Variants in ZNF462 observed in about 807,000 individuals in gnomAD.
The protein encoded by ZNF462 is zinc finger protein 462, also known as zinc finger PBX1-interacting protein.
Under a neutral mutation model 201.9 loss-of-function variants are expected in ZNF462, and 10 were observed. That is an observed-to-expected ratio of 0.05 (90% CI 0.03 to 0.08). The LOEUF is 0.08. Among genes scored for constraint, ZNF462 ranks in the 10% least tolerant of loss-of-function variants. The pLI is 1.00. For missense variants in ZNF462, 2,523 were observed against 3,168.3 expected, an observed-to-expected ratio of 0.80 and a Z score of 4.89; for synonymous variants, 1,227 against 1,193.3, an observed-to-expected ratio of 1.03 and a Z score of -0.58.
intron 1 of ZNF462, among the ~76,000 whole-genome samples, chr9:106,907,338 A>C (rs1829314417): frequency 6.6e-6 from 1 of 152,156 alleles, no homozygotes; most frequent in African/African-American, 2.4e-5. Context: ...ACCAGTTTAA[A>C]AAGCATCTGA....
rs1830108797 is a variant in ZNF462, at chr9:106,924,498, C to T, written c.586C>T (p.Pro196Ser). Residue 196 changes from proline (P) to serine (S), a missense_variant, in exon 3 of 13, where the codon CCA becomes TCA. By Grantham distance (74) the Pro-to-Ser change is moderately conservative (BLOSUM62 -1). This residue lies in a region of ZNF462 where 480 missense variants were observed against 544.4 expected (regional missense o/e 0.88). Transcript: ENST00000277225. The surrounding 1 kb of genome is among the most constrained non-coding windows in gnomAD (Gnocchi z 6.2). ...KNNLKETTAPPPAPAPMPDPV... is the reference protein window; with the variant it reads ...KNNLKETTAPSPAPAPMPDPV... ...CAATTTGAAGGAGACCACTGCTCCC[C>T]CACCTGCTCCTGCTCCAATGCCAGA... The T allele has an allele frequency of 6.2e-7, 1 of 1,614,106 alleles. No homozygotes were observed. Among genetic ancestry groups the T allele is most frequent in the East Asian group, 2.2e-5 (1 of 44,878 alleles).
Position 106,876,796 on chromosome 9 carries a change from AATG to A in ZNF462, c.-31+13444_-31+13446del, listed in dbSNP as rs1213096259. 6.6e-6 allele frequency among the ~76,000 whole-genome samples: 1 copy of A among 152,182 alleles called. No individual in the cohort carries two copies. The highest frequency in any genetic ancestry group is 2.4e-5 in the African/African-American group (1 of 41,434). On this transcript the variant is annotated intron_variant, in intron 1 of 12. Transcript: ENST00000277225. This position sits in a 1 kb window ranked among gnomAD's most constrained non-coding sequence, Gnocchi z 4.9. ...TATTGTTTGGCATCATTCTGGCAAA[AATG>A]ATATGTCGAAGAAAATTGTCCTTAT...
rs539251732 is a variant in ZNF462, at chr9:107,008,833, G to A, written c.7190-712G>A. On this transcript the variant is annotated intron_variant, in intron 11 of 12. Transcript: ENST00000277225. The surrounding 1 kb of genome is among the most constrained non-coding windows in gnomAD (Gnocchi z 4.8). ...CGTCCAGAAATGTCTGCATATCCCC[G>A]TATTCATGAATACCACCAATTGAGG... Among the ~76,000 whole-genome samples, 11 of 152,268 alleles carry A rather than the reference G, an allele frequency of 7.2e-5. No individual in the cohort carries two copies. Among genetic ancestry groups the A allele is most frequent in the African/African-American group, 2.4e-4 (10 of 41,550 alleles).
At chr9:106,877,076 A>G (rs531949634) in intron 1 of ZNF462, among the ~76,000 whole-genome samples, 5 of 152,278 alleles carry the variant, frequency 3.3e-5, no homozygotes, top group Admixed American at 1.3e-4. Flanking sequence ...AGGGTAGATG[A>G]TATTTTAAAA....
At position 106,973,996 on chromosome 9, in the gene ZNF462, A is replaced by G. The variant is rs189959698; in HGVS notation, c.6696-141A>G. On this transcript the variant is annotated intron_variant, in intron 8 of 12. Transcript: ENST00000277225. ...GACCAAGTTTCTGGGTGGTCAACAA[A>G]CATGATGAACAGATTTTTTTTTAGC... The G allele has an allele frequency of 6.2e-6, 7 of 1,123,480 alleles. No homozygotes were observed. In the East Asian group the frequency reaches 1.7e-4, roughly 27 times the overall value. The allele number at this position is 1,123,480 out of a possible 1,614,324, so 69.6% of individuals were successfully genotyped here. A position where few individuals can be genotyped will look rare whatever the true frequency, so the allele number is the denominator to read the frequency against.
rs973093681 is a variant in ZNF462 at position 107,006,803 on chromosome 9, G to T, written c.7190-2742G>T. Among the ~76,000 whole-genome samples, 1 of 152,124 alleles carries T rather than the reference G, an allele frequency of 6.6e-6. No homozygotes were observed. Among genetic ancestry groups the T allele is most frequent in the Non-Finnish European group, 1.5e-5 (1 of 68,030 alleles). Reference sequence around the variant, plus strand: ...GGTACACTACCCTTTCAAAAACCCTGTGCCTGTATTAACCTGAAAAATACA... The same window carrying T: ...GGTACACTACCCTTTCAAAAACCCTTTGCCTGTATTAACCTGAAAAATACA... On this transcript the variant is annotated intron_variant, in intron 11 of 12. Coordinates refer to ENST00000277225, the MANE Select transcript of ZNF462 (RefSeq NM_021224.6). This position sits in a 1 kb window ranked among gnomAD's most constrained non-coding sequence, Gnocchi z 4.3.
chr9:106,948,164 T>A (rs1831188479), intron 7 of ZNF462, among the ~76,000 whole-genome samples: 1 of 152,084 alleles, frequency 6.6e-6, no homozygotes, highest in Admixed American at 6.6e-5. Context: ...ATCCTGGGAC[T>A]GCAAAAATCC....
intron 7 of ZNF462, among the ~76,000 whole-genome samples, chr9:106,944,938 C>G (rs1831038870): frequency 1.3e-5 from 2 of 152,100 alleles, no homozygotes; most frequent in Non-Finnish European, 2.9e-5. Flanking sequence ...GTGAAAGTAG[C>G]CATAGACAAT....
intron 1 of ZNF462, among the ~76,000 whole-genome samples, chr9:106,918,280 G>T (rs1335457372): frequency 1.3e-5 from 2 of 152,142 alleles, no homozygotes; most frequent in Non-Finnish European, 2.9e-5. Context: ...AATTTGGAGG[G>T]CATATGCCCA....
rs1312222801 is a variant in ZNF462 at position 106,966,817 on chromosome 9, T to A, written c.6428-5188T>A. Among the ~76,000 whole-genome samples, 1 of 152,136 alleles carries A rather than the reference T, an allele frequency of 6.6e-6. No individual in the cohort carries two copies. Among genetic ancestry groups the A allele is most frequent in the East Asian group, 1.9e-4 (1 of 5,182 alleles). On this transcript the variant is annotated intron_variant, in intron 7 of 12. Coordinates refer to ENST00000277225, the MANE Select transcript of ZNF462 (RefSeq NM_021224.6). This position sits in a 1 kb window ranked among gnomAD's most constrained non-coding sequence, Gnocchi z 4.4. ...TTGTCTTTTATTTTTTCTTGGTACT[T>A]GATTCACACTGACCAACAAGCCTGT... is the stretch of plus-strand genomic sequence containing the variant.
rs1831301905 is a variant in ZNF462, at chr9:106,950,639, T to C, written c.6427+11532T>C. Among the ~76,000 whole-genome samples the C allele has an allele frequency of 2.6e-5, 4 of 152,208 alleles. No individual in the cohort carries two copies. On this transcript the variant is annotated intron_variant, in intron 7 of 12. Coordinates refer to ENST00000277225, the MANE Select transcript of ZNF462 (RefSeq NM_021224.6). This position sits in a 1 kb window ranked among gnomAD's most constrained non-coding sequence, Gnocchi z 4.1. ...CCACAGGCAGACAGTGAAGTGTAAG[T>C]GCAGTTCCCTATTAGCACATTAAAA... is the stretch of plus-strand genomic sequence containing the variant.
At chr9:106,976,177 C>G (rs1469685116) in intron 9 of ZNF462, 1 of 152,184 alleles carries the variant, frequency 6.6e-6, no homozygotes, top group Non-Finnish European at 1.5e-5. Flanking sequence ...AAGTTCACCT[C>G]TAAGTATGAA....
chr9:106,891,190 A>G (rs1321424402), intron 1 of ZNF462, among the ~76,000 whole-genome samples: 2 of 152,246 alleles, frequency 1.3e-5, no homozygotes, highest in Non-Finnish European at 1.5e-5. Context: ...ACAAAAAAGA[A>G]AAATGCATTT....
At position 107,003,277 on chromosome 9, in the gene ZNF462, G is replaced by T. The variant is rs201107737; in HGVS notation, c.7057-17G>T. On this transcript the variant is annotated splice_polypyrimidine_tract_variant and intron_variant, in intron 10 of 12. Transcript: ENST00000277225. The surrounding 1 kb of genome is among the most constrained non-coding windows in gnomAD (Gnocchi z 4.4). ...TCTGCGGTTTATTATTCCATCATTT[G>T]TTTGGGCCTTTTTCAGGTAAGCCGT... The T allele has an allele frequency of 3.1e-6, 5 of 1,613,212 alleles. No homozygotes were observed. In the East Asian group the frequency reaches 1.1e-4, roughly 36 times the overall value.
At chr9:106,899,251 G>C (rs901318542) in intron 1 of ZNF462, among the ~76,000 whole-genome samples, 2 of 123,506 alleles carry the variant, frequency 1.6e-5, no homozygotes, top group African/African-American at 6.6e-5. Context: ...GGGGGGGGGG[G>C]GTGTGTGCAT....
At chr9:106,971,323 A>T (rs1055902300) in intron 7 of ZNF462, among the ~76,000 whole-genome samples, 1 of 151,878 alleles carries the variant, frequency 6.6e-6, no homozygotes, top group Non-Finnish European at 1.5e-5. Flanking sequence ...ACCTACAGGG[A>T]AGGGTATTCT....
chr9:106,889,329 A>G (rs1446766645), intron 1 of ZNF462, among the ~76,000 whole-genome samples: 1 of 152,166 alleles, frequency 6.6e-6, no homozygotes, highest in East Asian at 1.9e-4. Context: ...CGGGTAGCTC[A>G]GAGGGTTGTG....
Position 107,010,258 on chromosome 9 carries a change from C to T in ZNF462, c.7314-565C>T, listed in dbSNP as rs1271286063. Among the ~76,000 whole-genome samples the T allele has an allele frequency of 6.6e-6, 1 of 152,220 alleles. No individual in the cohort carries two copies. Among genetic ancestry groups the T allele is most frequent in the East Asian group, 1.9e-4 (1 of 5,178 alleles). Reference sequence around the variant, plus strand: ...ACATGGCTTGTGTGGTGATAGGAAGCCTGAAGCTTGGTCCCTGAAGCCTCA... The same window carrying T: ...ACATGGCTTGTGTGGTGATAGGAAGTCTGAAGCTTGGTCCCTGAAGCCTCA... On this transcript the variant is annotated intron_variant, in intron 12 of 12. Transcript: ENST00000277225. The surrounding 1 kb of genome is among the most constrained non-coding windows in gnomAD (Gnocchi z 4.6).
rs764328682 is a variant in ZNF462 at position 107,005,528 on chromosome 9, C to A, written c.7189+2102C>A. Among the ~76,000 whole-genome samples, 38 of 152,126 alleles carry A rather than the reference C, an allele frequency of 2.5e-4. No individual in the cohort carries two copies. The highest frequency in any genetic ancestry group is 1.6e-4 in the Non-Finnish European group (11 of 68,008). ...TGTCTTCTTTTGAGAAATGTCTACT[C>A]AGATAGATGATTTTCTGTTGAGTTG... On this transcript the variant is annotated intron_variant, in intron 11 of 12. Transcript: ENST00000277225. This position sits in a 1 kb window ranked among gnomAD's most constrained non-coding sequence, Gnocchi z 4.4.
Sources: gnomAD v4.1 joint callset for allele counts (sites outside exome capture counted in the v4.1 genomes callset) on GRCh38, gnomAD v4.1.1 for gene constraint, gnomAD v4.1.1 regional missense constraint, Gnocchi (gnomAD v3.1) non-coding constraint, MANE v1.5 for transcripts, NCBI Gene and HGNC (gene_info 2026-07-23, HGNC 2026-07-21) for gene names.